PRDM16: variants seen among roughly 807,000 people sequenced by gnomAD.
PRDM16 encodes the protein histone-lysine N-methyltransferase PRDM16.
A neutral mutation model predicts 110.6 loss-of-function variants in PRDM16; 23 were observed. The ratio of observed to expected loss-of-function variants is 0.21; its 90% CI spans 0.15 to 0.29. The LOEUF is 0.29. PRDM16 is among the 10% of genes least tolerant of loss of function. PRDM16 has a pLI of 1.00. For synonymous variants in PRDM16, 799 were observed against 781.8 expected (o/e 1.02, Z -0.37); for missense variants, 1,615 against 1,794.3 (o/e 0.90, Z 1.81).
At chr1:3,428,618 C>G (rs1481016109) in intron 14 of PRDM16, among the ~76,000 whole-genome samples, 1 of 152,234 alleles carries the variant, frequency 6.6e-6, no homozygotes, top group East Asian at 1.9e-4. Flanking sequence ...CATAGGCAGC[C>G]AGTCCCTGGG....
At chr1:3,240,035 GAGA>G (rs1258411669) in intron 2 of PRDM16, among the ~76,000 whole-genome samples, 30 of 107,854 alleles carry the variant, frequency 2.8e-4, no homozygotes, top group African/African-American at 9.5e-4. Context: ...AAGAGGAGAG[GAGA>G]AGAGGAGAGG....
At chr1:3,288,739 G>A (rs1640910541) in intron 3 of PRDM16, among the ~76,000 whole-genome samples, 1 of 152,192 alleles carries the variant, frequency 6.6e-6, no homozygotes, top group African/African-American at 2.4e-5. Context: ...TCTCCCTGCA[G>A]GAGCCAAAGA....
rs547437438 is a variant in PRDM16, at chr1:3,334,799, CCTCA to C, written c.439-50348_439-50345del. 9.2e-5 allele frequency among the ~76,000 whole-genome samples: 14 copies of C among 152,354 alleles called. No homozygotes were observed. The East Asian group carries it at 2.7e-3, about 29-fold the overall frequency. The stretch of plus-strand genomic sequence containing the variant: ...GGGAACAGAGCAAACGAACACTCAC[CCTCA>C]CTCAGCTCATTTCACTCCAACAGCC... On this transcript the variant is annotated intron_variant, in intron 3 of 16. Coordinates refer to ENST00000270722, the MANE Select transcript of PRDM16 (RefSeq NM_022114.4).
At chr1:3,402,695 G>A in intron 5 of PRDM16, 96 bp from the exon 6 acceptor site, 1 of 1,089,954 alleles carries the variant, frequency 9.2e-7, no homozygotes, top group South Asian at 1.4e-5. Flanking sequence ...CAGGCCCTGA[G>A]GCACCGTGGT....
intron 2 of PRDM16, among the ~76,000 whole-genome samples, chr1:3,193,305 G>T (rs925746492): frequency 1.3e-5 from 2 of 152,218 alleles, no homozygotes; most frequent in Non-Finnish European, 2.9e-5. Flanking sequence ...CCCCCCAAGG[G>T]GATGGAGCGG....
intron 3 of PRDM16, among the ~76,000 whole-genome samples, chr1:3,259,552 C>G (rs1285486185): frequency 6.6e-6 from 1 of 152,194 alleles, no homozygotes; most frequent in Non-Finnish European, 1.5e-5. Context: ...ACTCACCACC[C>G]AAGGCCACAT....
intron 3 of PRDM16, among the ~76,000 whole-genome samples, chr1:3,316,097 T>A (rs1557602343): frequency 1.4e-5 from 2 of 141,660 alleles, no homozygotes; most frequent in Non-Finnish European, 3.0e-5. Flanking sequence ...CTTCTCCTGT[T>A]CCTTTTTAAA....
chr1:3,336,968 CAT>C (rs1444987459), intron 3 of PRDM16, among the ~76,000 whole-genome samples: 35 of 144,020 alleles, frequency 2.4e-4, no homozygotes, highest in Non-Finnish European at 1.5e-5. Context: ...CATGCATGCA[CAT>C]ATGTGTTGGT....
chr1:3,074,411 C>CTGTG (rs770186651), intron 1 of PRDM16, among the ~76,000 whole-genome samples: 21 of 151,028 alleles, frequency 1.4e-4, no homozygotes, highest in Non-Finnish European at 2.5e-4. Flanking sequence ...AGGGTTTTTT[C>CTGTG]TGTGTGTGTG....
At chr1:3,217,135 CG>C (rs1639046882) in intron 2 of PRDM16, among the ~76,000 whole-genome samples, 1 of 152,260 alleles carries the variant, frequency 6.6e-6, no homozygotes, top group African/African-American at 2.4e-5. Context: ...TAAAAAGCCC[CG>C]GGTGGCCTTC....
Position 3,143,332 on chromosome 1 carries a change from C to A in PRDM16, c.38-42793C>A, listed in dbSNP as rs1454509134. On this transcript the variant is annotated intron_variant, in intron 1 of 16. Transcript: ENST00000270722. The surrounding 1 kb of genome is among the most constrained non-coding windows in gnomAD (Gnocchi z 4.5). ...GGTGTCAGGACTCGGGACAGCAGGACCCTCAGGCAGTAGGGCTCCAAGCAC... is the reference window on the plus strand; with the variant it reads ...GGTGTCAGGACTCGGGACAGCAGGAACCTCAGGCAGTAGGGCTCCAAGCAC... 6.6e-6 allele frequency among the ~76,000 whole-genome samples: 1 copy of A among 152,162 alleles called. No individual in the cohort carries two copies. The highest frequency in any genetic ancestry group is 1.5e-5 in the Non-Finnish European group (1 of 68,026).
At chr1:3,307,985 T>C (rs1330456329) in intron 3 of PRDM16, 2 of 152,238 alleles carry the variant, frequency 1.3e-5, no homozygotes, top group African/African-American at 4.8e-5. Context: ...AAAGGCAGCA[T>C]GCTGTCACCT....
intron 3 of PRDM16, among the ~76,000 whole-genome samples, chr1:3,311,070 GC>G (rs1557598516): frequency 6.6e-6 from 1 of 152,198 alleles, no homozygotes; most frequent in Non-Finnish European, 1.5e-5. Flanking sequence ...GCTGAACCCG[GC>G]CCCAGGACTT....
chr1:3,277,575 C>T (rs1366232196), intron 3 of PRDM16, among the ~76,000 whole-genome samples: 2 of 152,230 alleles, frequency 1.3e-5, no homozygotes, highest in Non-Finnish European at 2.9e-5. Context: ...GTTGTGAATC[C>T]GCTGAAGCCC....
rs1201406195 is a variant in PRDM16 at position 3,175,143 on chromosome 1, A to G, written c.38-10982A>G. On this transcript the variant is annotated intron_variant, in intron 1 of 16. Transcript: ENST00000270722. This position sits in a 1 kb window ranked among gnomAD's most constrained non-coding sequence, Gnocchi z 4.8. ...AAGATCCAGGGCGAGGGGAGAAGCT[A>G]TTGCCTTTACCGCACAGTTTTAAAG... Among the ~76,000 whole-genome samples the G allele has an allele frequency of 6.6e-6, 1 of 152,148 alleles. No homozygotes were observed. Among genetic ancestry groups the G allele is most frequent in the Non-Finnish European group, 1.5e-5 (1 of 68,024 alleles).
rs76809701 is a variant in PRDM16 at position 3,224,247 on chromosome 1, C to G, written c.388-19840C>G. ...GCTGCGAAGATAAAGGATTTTATAT[C>G]GTGCACAAAAAAGCAATCAAATTCA... On this transcript the variant is annotated intron_variant, in intron 2 of 16. Transcript: ENST00000270722. 7.1e-3 allele frequency among the ~76,000 whole-genome samples: 1,080 copies of G among 152,276 alleles called. 18 individuals are homozygous for G. The highest frequency in any genetic ancestry group is 0.025 in the African/African-American group (1,033 of 41,552).
chr1:3,107,233 C>G (rs1366171727), intron 1 of PRDM16, among the ~76,000 whole-genome samples: 1 of 152,244 alleles, frequency 6.6e-6, no homozygotes, highest in Non-Finnish European at 1.5e-5. Flanking sequence ...CTGCCTATGT[C>G]CCCACCCTGT....
intron 2 of PRDM16, among the ~76,000 whole-genome samples, chr1:3,220,449 G>A (rs952170179): frequency 1.3e-5 from 2 of 152,234 alleles, no homozygotes; most frequent in African/African-American, 4.8e-5. Context: ...CGCAGGACCA[G>A]CACAGGTTGG....
intron 3 of PRDM16, among the ~76,000 whole-genome samples, chr1:3,380,689 C>T (rs981751048): frequency 6.6e-6 from 1 of 152,156 alleles, no homozygotes; most frequent in Non-Finnish European, 1.5e-5. Context: ...TTTACCCTGG[C>T]AGGGGAGGGT....
Sources: gnomAD v4.1 joint callset for allele counts (sites outside exome capture counted in the v4.1 genomes callset) on GRCh38, gnomAD v4.1.1 for gene constraint, Gnocchi (gnomAD v3.1) non-coding constraint, MANE v1.5 for transcripts, NCBI Gene and HGNC (gene_info 2026-07-23, HGNC 2026-07-21) for gene names.